The following RAB27A variants were observed in gnomAD, a reference collection of about 807,000 sequenced individuals.
RAB27A encodes the protein RAB27A, member RAS oncogene family, also known as ras-related protein Rab-27A.
Under a neutral mutation model 20.8 loss-of-function variants are expected in RAB27A, and 17 were observed. The observed-to-expected ratio is 0.82, with a 90% CI of 0.56 to 1.23. The LOEUF (loss-of-function observed/expected upper bound fraction) is 1.23, where lower values mean the gene tolerates loss of function less well. Ranked by LOEUF, RAB27A falls within the 50% of genes most tolerant of loss-of-function variation. The pLI is 0.00. For synonymous variants in RAB27A, 85 were observed against 92.8 expected, an observed-to-expected ratio of 0.92 and a Z score of 0.48; for missense variants, 277 against 266.7, an observed-to-expected ratio of 1.04 and a Z score of -0.27.
rs1360757018 is a variant in RAB27A at position 55,209,925 on chromosome 15, CAT to C, written c.468-4222_468-4221del. On this transcript the variant is annotated intron_variant, in intron 6 of 6. Coordinates refer to ENST00000336787, the MANE Select transcript of RAB27A (RefSeq NM_183235.3). ...ATATGTGTGTGTATGTATATACACA[CAT>C]ATATGTATGTACATGTACACACATA... Among the ~76,000 whole-genome samples, 254 of 112,686 alleles carry C rather than the reference CAT, an allele frequency of 2.3e-3. 58 individuals carry two copies. The highest frequency in any genetic ancestry group is 0.013 in the African/African-American group (232 of 18,452). 73.9% of individuals were successfully genotyped at this position (112,686 alleles called of 152,430 possible).
In RAB27A at chr15:55,234,880, CAG is replaced by C. The variant is rs1595700039; in HGVS notation, c.53_54del (p.Ser18TrpfsTer15). 1.9e-6 allele frequency: 3 copies of C among 1,612,562 alleles called. No homozygotes were observed. The highest frequency in any genetic ancestry group is 1.7e-6 in the Non-Finnish European group (2 of 1,178,962). On this transcript the variant is annotated frameshift_variant, in exon 3 of 7. Transcript: ENST00000336787. LOFTEE classifies it high-confidence loss of function. ...YLIKFLALGD[S>X]GVGKTSVLYQ... ...TAAAGTACACTGGTCTTCCCTACAC[CAG>C]AGTCTCCCAAAGCTAAAAACTTGAT...
At chr15:55,310,536 G>A (rs899181975) in intron 2 of RAB27A, among the ~76,000 whole-genome samples, 1 of 152,158 alleles carries the variant, frequency 6.6e-6, no homozygotes, top group Non-Finnish European at 1.5e-5. Context: ...TTTTTAAAGT[G>A]TCCTTGTAGA....
intron 6 of RAB27A, among the ~76,000 whole-genome samples, chr15:55,217,067 G>C (rs1010926222): frequency 7.9e-5 from 12 of 152,142 alleles, no homozygotes; most frequent in African/African-American, 2.9e-4. Context: ...ACATACTTTA[G>C]ATTTGTAACT....
intron 2 of RAB27A, among the ~76,000 whole-genome samples, chr15:55,255,906 G>C (rs1897061124): frequency 6.6e-6 from 1 of 152,288 alleles, no homozygotes; most frequent in Admixed American, 6.5e-5. Flanking sequence ...CAAGTCAAAA[G>C]ACCTGAACTC....
At chr15:55,291,709 A>G (rs920236860), upstream of RAB27A, among the ~76,000 whole-genome samples, 1 of 152,044 alleles carries the variant, frequency 6.6e-6, no homozygotes, top group Non-Finnish European at 1.5e-5. Context: ...GGCTCTCACC[A>G]GGAGTATACC....
chr15:55,278,777 T>C (rs7166125), intron 1 of RAB27A, among the ~76,000 whole-genome samples: 74,568 of 152,142 alleles, frequency 0.49, 21,349 homozygotes, highest in African/African-American at 0.78. Context: ...CCACCGCACC[T>C]GGCCCAGTCT....
intron 2 of RAB27A, among the ~76,000 whole-genome samples, chr15:55,264,436 G>A (rs927308046): frequency 6.6e-6 from 1 of 152,156 alleles, no homozygotes. Context: ...AGCTAGAATA[G>A]ATGGGGATCT....
chr15:55,309,794 T>C (rs908039258), intron 2 of RAB27A, among the ~76,000 whole-genome samples: 6 of 152,142 alleles, frequency 3.9e-5, no homozygotes, highest in African/African-American at 1.4e-4. Context: ...TAACCTCCAC[T>C]GTCCATTGGG....
chr15:55,292,372 G>A (rs1175364274), upstream of RAB27A, among the ~76,000 whole-genome samples: 1 of 152,224 alleles, frequency 6.6e-6, no homozygotes. Flanking sequence ...GGCACAGCCA[G>A]GCCTAAAACT....
chr15:55,239,275 G>A (rs1017775097), intron 2 of RAB27A, among the ~76,000 whole-genome samples: 1 of 152,126 alleles, frequency 6.6e-6, no homozygotes, highest in Non-Finnish European at 1.5e-5. Context: ...ATATAGACTG[G>A]TTCAAAACAG....
At chr15:55,235,873 G>A (rs1488726068) in intron 2 of RAB27A, among the ~76,000 whole-genome samples, 2 of 152,128 alleles carry the variant, frequency 1.3e-5, no homozygotes, top group African/African-American at 2.4e-5. Context: ...AATCTGGATG[G>A]AATTGAAGAC....
rs1566896345 is a variant in RAB27A, at chr15:55,209,887, TAC to T, written c.468-4184_468-4183del. 1.1e-3 allele frequency among the ~76,000 whole-genome samples: 131 copies of T among 117,180 alleles called. 42 individuals carry two copies. The highest frequency in any genetic ancestry group is 5.4e-3 in the African/African-American group (118 of 21,966). 76.9% of individuals were successfully genotyped at this position (117,180 alleles called of 152,430 possible). ...ACATATATACATATATGTGTGTGTA[TAC>T]ATATATACACATATGTGTGTGTATG... On this transcript the variant is annotated intron_variant, in intron 6 of 6. Transcript: ENST00000336787.
intron 2 of RAB27A, among the ~76,000 whole-genome samples, chr15:55,260,807 G>C (rs971012938): frequency 3.3e-5 from 5 of 152,166 alleles, no homozygotes; most frequent in Admixed American, 6.5e-5. Context: ...GAGAACAGAC[G>C]ATTTTTAGGG....
chr15:55,311,495 G>A (rs757987451), intron 2 of RAB27A, among the ~76,000 whole-genome samples: 13 of 152,064 alleles, frequency 8.5e-5, no homozygotes, highest in Non-Finnish European at 1.8e-4. Context: ...GTTGGGGAAG[G>A]AGTCGAGGGG....
At position 55,252,685 on chromosome 15, in the gene RAB27A, CAGAT is replaced by C. The variant is rs201314932; in HGVS notation, c.-23+17476_-23+17479del. Among the ~76,000 whole-genome samples, 218 of 151,084 alleles carry C rather than the reference CAGAT, an allele frequency of 1.4e-3. 2 individuals carry two copies. The highest frequency in any genetic ancestry group is 6.8e-3 in the Middle Eastern group (2 of 294). On this transcript the variant is annotated intron_variant, in intron 2 of 6. Transcript: ENST00000336787. ...ATTGATTGATAGACAGACAGACAGA[CAGAT>C]AGATACAGATATACGTATCTATCTA... is the stretch of plus-strand genomic sequence containing the variant.
At chr15:55,221,678 A>G (rs1000191324) in intron 6 of RAB27A, among the ~76,000 whole-genome samples, 1 of 152,134 alleles carries the variant, frequency 6.6e-6, no homozygotes, top group African/African-American at 2.4e-5. Flanking sequence ...GTGGGCCACA[A>G]AAGAGATTTG....
chr15:55,308,604 G>A (rs1055760212), intron 2 of RAB27A, among the ~76,000 whole-genome samples: 4 of 152,184 alleles, frequency 2.6e-5, no homozygotes, highest in Non-Finnish European at 5.9e-5. Flanking sequence ...GGTCCCCCTC[G>A]AGCGGTGTAG....
chr15:55,309,537 G>A (rs189303081), intron 2 of RAB27A, among the ~76,000 whole-genome samples: 4 of 152,306 alleles, frequency 2.6e-5, no homozygotes, highest in Non-Finnish European at 4.4e-5. Context: ...CCAAATAGAT[G>A]GGAGCTATCC....
chr15:55,275,943 A>AAAAAAAAAAAAAAAC (rs1897861460), intron 1 of RAB27A, among the ~76,000 whole-genome samples: 1 of 145,266 alleles, frequency 6.9e-6, no homozygotes, highest in African/African-American at 2.5e-5. Context: ...AAAAAAAACA[A>AAAAAAAAAAAAAAAC]GAGATAAGTG....
Sources: gnomAD v4.1 joint callset for allele counts (sites outside exome capture counted in the v4.1 genomes callset) on GRCh38, gnomAD v4.1.1 for gene constraint, MANE v1.5 for transcripts, NCBI Gene and HGNC (gene_info 2026-07-23, HGNC 2026-07-21) for gene names.